Variants in PDZRN3 observed in about 807,000 individuals in gnomAD.
The protein encoded by PDZRN3 is E3 ubiquitin-protein ligase PDZRN3.
In PDZRN3, 38 loss-of-function variants were observed where a neutral mutation model predicts 85.7. The observed-to-expected ratio is 0.44, with a 90% CI of 0.34 to 0.58. The LOEUF is 0.58. Ranked by LOEUF, PDZRN3 falls within the 20% of genes least tolerant of loss-of-function variation. The pLI, the probability that PDZRN3 is intolerant of heterozygous loss-of-function variation, is 0.01. For missense variants in PDZRN3, 1,629 were observed against 1,506.4 expected, an observed-to-expected ratio of 1.08 and a Z score of -1.35; for synonymous variants, 759 against 638.0, an observed-to-expected ratio of 1.19 and a Z score of -2.86.
intron 3 of PDZRN3, among the ~76,000 whole-genome samples, chr3:73,547,006 G>T (rs1701438339): frequency 6.6e-6 from 1 of 152,178 alleles, no homozygotes; most frequent in Admixed American, 6.5e-5. Flanking sequence ...CCCAGGTTCT[G>T]CCTCTGAAAG....
chr3:73,620,463 C>T (rs531418907), intron 1 of PDZRN3, among the ~76,000 whole-genome samples: 2 of 152,304 alleles, frequency 1.3e-5, no homozygotes, highest in South Asian at 4.1e-4. Context: ...CTTTAACTCA[C>T]TCAAGTGTAG....
intron 3 of PDZRN3, among the ~76,000 whole-genome samples, chr3:73,587,649 T>G (rs1015868874): frequency 6.6e-6 from 1 of 152,222 alleles, no homozygotes; most frequent in Non-Finnish European, 1.5e-5. Context: ...TATAGTGGAT[T>G]CTAATCTCCA....
In PDZRN3 at chr3:73,384,467, A is replaced by G; in HGVS notation, c.2099T>C (p.Leu700Pro). ...CATCTTGTGGGCGCGCACGATGCTC[A>G]GGCACTCCAGCTCGATGCTGCGCAG... ...EELRSIELEC[L>P]SIVRAHKMQQ... The change falls in exon 10 of 10, where the codon CTG (leucine) becomes CCG (proline). Residue 700 changes from leucine to proline, a missense_variant. Physicochemically the swap from Leu to Pro is moderately conservative, Grantham distance 98. Coordinates refer to ENST00000263666, the MANE Select transcript of PDZRN3 (RefSeq NM_015009.3). 1 of 1,613,068 alleles carries G rather than the reference A, an allele frequency of 6.2e-7. No individual in the cohort carries two copies. The highest frequency in any genetic ancestry group is 8.5e-7 in the Non-Finnish European group (1 of 1,179,984).
intron 3 of PDZRN3, among the ~76,000 whole-genome samples, chr3:73,436,208 C>G (rs756253746): frequency 6.6e-6 from 1 of 152,226 alleles, no homozygotes; most frequent in Non-Finnish European, 1.5e-5. Flanking sequence ...AGTAATGATT[C>G]TGTTCACTTA....
chr3:73,539,892 C>T (rs1704874601), intron 3 of PDZRN3, among the ~76,000 whole-genome samples: 1 of 151,744 alleles, frequency 6.6e-6, no homozygotes, highest in Non-Finnish European at 1.5e-5. Context: ...ATTTAAAAAG[C>T]AATCAGTAAG....
chr3:73,624,518 T>A lies in PDZRN3; in HGVS notation c.308A>T (p.Glu103Val), dbSNP rs750147896. 5.5e-6 allele frequency: 8 copies of A among 1,462,352 alleles called. No individual in the cohort carries two copies. Among genetic ancestry groups the A allele is most frequent in the African/African-American group, 3.0e-5 (2 of 67,690 alleles). The allele number at this position is 1,462,352 out of a possible 1,614,324, so 90.6% of individuals were successfully genotyped here. A position where few individuals can be genotyped will look rare whatever the true frequency, so the allele number is the denominator to read the frequency against. Residue 103 changes from glutamate (E) to valine (V), a missense_variant, in exon 1 of 10, where the codon GAG becomes GTG. Physicochemically the swap from Glu to Val is moderately radical, Grantham distance 121 (BLOSUM62 -2). Coordinates refer to ENST00000263666, the MANE Select transcript of PDZRN3 (RefSeq NM_015009.3). The stretch of plus-strand genomic sequence containing the variant: ...GCGCGCGGGCGCGAAGTCGCAGCGC[T>A]CGAGGTGCTCCGGCAGCTGCTGCAG... ...VKLQQLPEHL[E>V]RCDFAPARCR...
intron 3 of PDZRN3, among the ~76,000 whole-genome samples, chr3:73,476,618 G>C (rs1703456378): frequency 6.6e-6 from 1 of 152,196 alleles, no homozygotes; most frequent in South Asian, 2.1e-4. Flanking sequence ...TCATGGTTAG[G>C]TTATAAAAGA....
intron 8 of PDZRN3, among the ~76,000 whole-genome samples, chr3:73,386,225 A>AATTTTTTTTTTTT (rs1576018763): frequency 2.6e-5 from 1 of 38,660 alleles, no homozygotes; most frequent in Non-Finnish European, 5.5e-5. Flanking sequence ...GCAAGATATC[A>AATTTTTTTTTTTT]CTTTTTTTTT....
intron 3 of PDZRN3, among the ~76,000 whole-genome samples, chr3:73,423,642 C>A (rs1193255212): frequency 6.6e-6 from 1 of 152,174 alleles, no homozygotes; most frequent in African/African-American, 2.4e-5. Flanking sequence ...ACAAATGTTA[C>A]AGTTTGAGAA....
chr3:73,505,765 T>C (rs986658355), intron 3 of PDZRN3, among the ~76,000 whole-genome samples: 1 of 152,018 alleles, frequency 6.6e-6, no homozygotes, highest in African/African-American at 2.4e-5. Context: ...TGTCCTCTTG[T>C]TTTTTTAAAA....
At chr3:73,545,690 G>C (rs1469062868) in intron 3 of PDZRN3, among the ~76,000 whole-genome samples, 1 of 152,184 alleles carries the variant, frequency 6.6e-6, no homozygotes, top group Non-Finnish European at 1.5e-5. Context: ...CTATCAACTA[G>C]AAAGTACTCA....
At chr3:73,434,425 T>C (rs184695062) in intron 3 of PDZRN3, among the ~76,000 whole-genome samples, 1 of 152,308 alleles carries the variant, frequency 6.6e-6, no homozygotes, top group East Asian at 1.9e-4. Context: ...GGGAAAATAC[T>C]CCACATATGA....
intron 3 of PDZRN3, among the ~76,000 whole-genome samples, chr3:73,418,327 G>A (rs1364139919): frequency 6.6e-6 from 1 of 152,198 alleles, no homozygotes; most frequent in Admixed American, 6.5e-5. Context: ...TGGAAAGTAT[G>A]AACTGGGCTA....
chr3:73,395,664 T>C (rs1701620547), intron 5 of PDZRN3, among the ~76,000 whole-genome samples: 1 of 152,232 alleles, frequency 6.6e-6, no homozygotes, highest in Non-Finnish European at 1.5e-5. Flanking sequence ...CAGGTTGCTG[T>C]GCACATTTAA....
At position 73,383,811 on chromosome 3, in the gene PDZRN3, T is replaced by C; in HGVS notation, c.2755A>G (p.Met919Val). The change falls in exon 10 of 10, where the codon ATG (methionine) becomes GTG (valine). Residue 919 changes from methionine to valine, a missense_variant. Transcript: ENST00000263666. Reference sequence around the variant, plus strand: ...CTGCGGATCTTCACCTTCCACTCCATGCGCGGCTCCGACGGGGTGGGAGAG... The same window carrying C: ...CTGCGGATCTTCACCTTCCACTCCACGCGCGGCTCCGACGGGGTGGGAGAG... ...LSSPTPSEPR[M>V]EWKVKIRSDG... The C allele has an allele frequency of 3.1e-6, 5 of 1,613,730 alleles. No homozygotes were observed. The highest frequency in any genetic ancestry group is 4.2e-6 in the Non-Finnish European group (5 of 1,179,974).
chr3:73,624,080 C>G, intron 1 of PDZRN3, 23 bp downstream of exon 1: 3 of 1,419,920 alleles, frequency 2.1e-6, no homozygotes, highest in East Asian at 3.0e-5. Context: ...GGCTGGAGGT[C>G]GGGGCGGGCA....
At position 73,494,787 on chromosome 3, in the gene PDZRN3, G is replaced by T. The variant is rs539180727; in HGVS notation, c.919-90392C>A. ...AGTATCAAAAGATAATATCTAAAGA[G>T]CACACATAATTTTTTAGAGAATGAA... On this transcript the variant is annotated intron_variant, in intron 3 of 9. Coordinates refer to ENST00000263666, the MANE Select transcript of PDZRN3 (RefSeq NM_015009.3). Among the ~76,000 whole-genome samples the T allele has an allele frequency of 2.0e-5, 3 of 152,248 alleles. No individual in the cohort carries two copies. The South Asian group carries it at 6.2e-4, about 32-fold the overall frequency.
At chr3:73,547,232 GT>G (rs1284482480) in intron 3 of PDZRN3, among the ~76,000 whole-genome samples, 1 of 152,180 alleles carries the variant, frequency 6.6e-6, no homozygotes, top group Non-Finnish European at 1.5e-5. Context: ...CATTTCTGTG[GT>G]TTTTCAGAGT....
rs954675821 is a variant in PDZRN3, at chr3:73,383,127, T to C, written c.*238A>G. 7 of 454,848 alleles carry C rather than the reference T, an allele frequency of 1.5e-5. No homozygotes were observed. Among genetic ancestry groups the C allele is most frequent in the South Asian group, 5.2e-5 (1 of 19,110 alleles). 28.2% of individuals were successfully genotyped at this position (454,848 alleles called of 1,614,324 possible). Reference sequence around the variant, plus strand: ...AAAGGGTACAGGTAGAAAAGTACAATTGCTATTTGAAAAAAGCTCTGTTTG... The same window carrying C: ...AAAGGGTACAGGTAGAAAAGTACAACTGCTATTTGAAAAAAGCTCTGTTTG... On this transcript the variant is annotated 3_prime_UTR_variant, in exon 10 of 10. Transcript: ENST00000263666.
Sources: gnomAD v4.1 joint callset for allele counts (sites outside exome capture counted in the v4.1 genomes callset) on GRCh38, gnomAD v4.1.1 for gene constraint, MANE v1.5 for transcripts, NCBI Gene and HGNC (gene_info 2026-07-23, HGNC 2026-07-21) for gene names.